IL1RN: variants seen among roughly 807,000 people sequenced by gnomAD.
IL1RN encodes interleukin-1 receptor antagonist protein.
In IL1RN, 10 loss-of-function variants were observed where a neutral mutation model predicts 13.7. That is an observed-to-expected ratio of 0.73 (90% CI 0.45 to 1.24). The LOEUF is 1.24. IL1RN is among the 50% of genes most tolerant of loss of function. IL1RN has a pLI of 0.00. For missense variants in IL1RN, 213 were observed against 222.1 expected (o/e 0.96, Z 0.26); for synonymous variants, 102 against 82.7 (o/e 1.23, Z -1.27).
chr2:113,114,655 GTGTGTC>G (rs1165053190), upstream of IL1RN, among the ~76,000 whole-genome samples: 4 of 152,102 alleles, frequency 2.6e-5, no homozygotes, highest in African/African-American at 9.7e-5. Context: ...GTGAGTGTGT[GTGTGTC>G]TGTGTTTGTG....
upstream of IL1RN, among the ~76,000 whole-genome samples, chr2:113,116,491 C>A: frequency 6.6e-6 from 1 of 150,588 alleles, no homozygotes; most frequent in East Asian, 2.0e-4. Flanking sequence ...AGCACCCAGG[C>A]GGGGCGGGGG....
intron 2 of IL1RN, among the ~76,000 whole-genome samples, chr2:113,121,953 T>C: frequency 6.6e-6 from 1 of 152,264 alleles, no homozygotes; most frequent in Non-Finnish European, 1.5e-5. Context: ...TTCTCTTCTT[T>C]GTACTAAAAT....
upstream of IL1RN, chr2:113,113,148 T>G (rs62158854): frequency 0.33 from 50,269 of 152,086 alleles, 8,918 homozygotes; most frequent in Middle Eastern, 0.5. Context: ...ACTGTTCACA[T>G]AGCCAAGATA....
rs1340934418 is a variant in IL1RN at position 113,133,456 on chromosome 2, T to C, written c.*585T>C. 6.3e-6 allele frequency: 1 copy of C among 158,264 alleles called. No individual in the cohort carries two copies. Among genetic ancestry groups the C allele is most frequent in the East Asian group, 1.9e-4 (1 of 5,324 alleles). The allele number at this position is 158,264 out of a possible 1,614,324, so 9.8% of individuals were successfully genotyped here. On this transcript the variant is annotated 3_prime_UTR_variant, in exon 4 of 4. Coordinates refer to ENST00000409930, the MANE Select transcript of IL1RN (RefSeq NM_173842.3). Reference sequence around the variant, plus strand: ...TATTCCTGCATTTGTGAAATGATGGTGAAAGTAAGTGGTAGCTTTTCCCTT... The same window carrying C: ...TATTCCTGCATTTGTGAAATGATGGCGAAAGTAAGTGGTAGCTTTTCCCTT...
At chr2:113,120,794 A>G (rs926878149) in intron 2 of IL1RN, among the ~76,000 whole-genome samples, 5 of 152,248 alleles carry the variant, frequency 3.3e-5, no homozygotes, top group African/African-American at 1.2e-4. Flanking sequence ...CACCATAAGA[A>G]CAAATATAAT....
upstream of IL1RN, among the ~76,000 whole-genome samples, chr2:113,108,776 T>C (rs1335123463): frequency 6.6e-6 from 1 of 152,006 alleles, no homozygotes; most frequent in Non-Finnish European, 1.5e-5. Flanking sequence ...TCTAAACAAA[T>C]CTTTGAAAAA....
chr2:113,105,414 T>A (rs1051324289), upstream of IL1RN, among the ~76,000 whole-genome samples: 1 of 152,206 alleles, frequency 6.6e-6, no homozygotes, highest in Non-Finnish European at 1.5e-5. Context: ...ATGTCACTCA[T>A]TAAAGATGTA....
intron 3 of IL1RN, among the ~76,000 whole-genome samples, chr2:113,132,201 C>A (rs929817028): frequency 2.0e-5 from 3 of 152,218 alleles, no homozygotes; most frequent in African/African-American, 7.2e-5. Flanking sequence ...GTAATCCCAG[C>A]ACTTTGAGAA....
chr2:113,127,461 G>T, upstream of IL1RN: 1 of 1,416,862 alleles, frequency 7.1e-7, no homozygotes, highest in Non-Finnish European at 9.2e-7. Context: ...GGGGTTGAAA[G>T]TGACAACAGC....
intron 2 of IL1RN, 38 bp from the exon 3 acceptor site, chr2:113,131,007 C>T (rs1169236308): frequency 7.7e-7 from 1 of 1,294,984 alleles, no homozygotes; most frequent in Non-Finnish European, 1.1e-6. Flanking sequence ...GCTGCTTCCT[C>T]TTCTATTAAC....
chr2:113,102,433 G>C (rs1037913419), upstream of IL1RN, among the ~76,000 whole-genome samples: 1 of 152,212 alleles, frequency 6.6e-6, no homozygotes, highest in Non-Finnish European at 1.5e-5. Flanking sequence ...ATTGTGGAGG[G>C]ATTCAGTTCA....
At chr2:113,108,918 G>A (rs993438729), upstream of IL1RN, among the ~76,000 whole-genome samples, 2 of 151,896 alleles carry the variant, frequency 1.3e-5, no homozygotes, top group African/African-American at 2.4e-5. Context: ...TTGGGTAGGG[G>A]GTTAGATATT....
upstream of IL1RN, among the ~76,000 whole-genome samples, chr2:113,108,581 A>G (rs1418359886): frequency 1.3e-5 from 2 of 152,182 alleles, no homozygotes. Flanking sequence ...GCTGATTAGC[A>G]ACCTCAATTC....
intron 2 of IL1RN, chr2:113,121,452 A>T: frequency 1.1e-5 from 11 of 985,244 alleles, no homozygotes; most frequent in Non-Finnish European, 1.2e-5. Context: ...CTGCAGGGGG[A>T]TTATAAAACT....
upstream of IL1RN, among the ~76,000 whole-genome samples, chr2:113,114,556 T>G (rs1438943185): frequency 6.6e-6 from 1 of 152,112 alleles, no homozygotes; most frequent in Non-Finnish European, 1.5e-5. Context: ...TTGACCACAT[T>G]TGATGTGACT....
upstream of IL1RN, among the ~76,000 whole-genome samples, chr2:113,114,725 TA>T (rs1686561907): frequency 6.6e-6 from 1 of 152,108 alleles, no homozygotes; most frequent in South Asian, 2.1e-4. Flanking sequence ...GTTTCCCATT[TA>T]TTTTTCTATG....
intron 2 of IL1RN, chr2:113,120,160 C>T: frequency 6.9e-7 from 1 of 1,448,962 alleles, no homozygotes; most frequent in Non-Finnish European, 9.7e-7. Flanking sequence ...AGTTTGAAAA[C>T]AATTTTAGGC....
upstream of IL1RN, among the ~76,000 whole-genome samples, chr2:113,125,377 TA>T (rs1431391359): frequency 2.6e-5 from 4 of 152,208 alleles, no homozygotes; most frequent in Non-Finnish European, 2.9e-5. Context: ...TTGGCCCTCA[TA>T]GGAAGACACT....
In IL1RN at chr2:113,132,917, C is replaced by G; in HGVS notation, c.*46C>G. ...TCCCATTCTTGCATGGCAAGGACTG[C>G]AGGGACTGCCAGTCCCCCTGCCCCA... On this transcript the variant is annotated 3_prime_UTR_variant, in exon 4 of 4. Coordinates refer to ENST00000409930, the MANE Select transcript of IL1RN (RefSeq NM_173842.3). The G allele has an allele frequency of 6.4e-7, 1 of 1,554,386 alleles. No homozygotes were observed. The highest frequency in any genetic ancestry group is 8.9e-7 in the Non-Finnish European group (1 of 1,125,776).
Sources: gnomAD v4.1 joint callset for allele counts (sites outside exome capture counted in the v4.1 genomes callset) on GRCh38, gnomAD v4.1.1 for gene constraint, MANE v1.5 for transcripts, NCBI Gene and HGNC (gene_info 2026-07-23, HGNC 2026-07-21) for gene names.